Variants in PRKD1 observed in about 807,000 individuals in gnomAD.
PRKD1 encodes serine/threonine-protein kinase D1.
Under a neutral mutation model 95.9 loss-of-function variants are expected in PRKD1, and 63 were observed. The ratio of observed to expected loss-of-function variants is 0.66; its 90% CI spans 0.54 to 0.81. The LOEUF (loss-of-function observed/expected upper bound fraction) is 0.81. PRKD1 is among the 30% of genes least tolerant of loss of function. The pLI is 0.00. For synonymous variants in PRKD1, 425 were observed against 423.1 expected (o/e 1.00, Z -0.05); for missense variants, 1,048 against 1,165.3 (o/e 0.90, Z 1.47).
At chr14:29,687,586 C>T (rs1883957323) in intron 2 of PRKD1, among the ~76,000 whole-genome samples, 1 of 152,224 alleles carries the variant, frequency 6.6e-6, no homozygotes, top group South Asian at 2.1e-4. Context: ...GCCGAACTTA[C>T]TTGGCGTGGA....
At chr14:29,684,083 CAAGAACCAT>C (rs1201510407) in intron 2 of PRKD1, among the ~76,000 whole-genome samples, 7 of 152,050 alleles carry the variant, frequency 4.6e-5, no homozygotes, top group South Asian at 2.1e-4. Context: ...GAGTCTAGTT[CAAGAACCAT>C]CTTTTCCAGG....
intron 1 of PRKD1, among the ~76,000 whole-genome samples, chr14:29,896,906 T>C (rs1894149709): frequency 1.3e-5 from 2 of 151,954 alleles, no homozygotes; most frequent in South Asian, 4.1e-4. Context: ...GAGAGTATTA[T>C]CCAATAATGT....
chr14:29,618,060 C>G (rs979409648), intron 13 of PRKD1, among the ~76,000 whole-genome samples: 6 of 151,942 alleles, frequency 3.9e-5, no homozygotes, highest in Non-Finnish European at 8.8e-5. Context: ...GAGTAAGACC[C>G]CTTCTCCCAA....
At chr14:29,647,039 T>C in intron 4 of PRKD1, among the ~76,000 whole-genome samples, 1 of 151,816 alleles carries the variant, frequency 6.6e-6, no homozygotes, top group East Asian at 1.9e-4. Context: ...TAAAATCTAA[T>C]CAACACCTTT....
intron 1 of PRKD1, among the ~76,000 whole-genome samples, chr14:29,910,477 G>A (rs1253053961): frequency 6.6e-6 from 1 of 152,022 alleles, no homozygotes; most frequent in Non-Finnish European, 1.5e-5. Flanking sequence ...ACCAATTTTG[G>A]ACACAGTTTC....
chr14:29,615,267 G>A (rs774866695), intron 13 of PRKD1, among the ~76,000 whole-genome samples: 11 of 152,186 alleles, frequency 7.2e-5, no homozygotes, highest in South Asian at 2.1e-4. Context: ...TGATATGACA[G>A]CTTTATTGTC....
intron 11 of PRKD1, among the ~76,000 whole-genome samples, 156 bp downstream of exon 11, chr14:29,628,878 ATATAATT>A (rs1438994507): frequency 2.1e-5 from 3 of 140,430 alleles, no homozygotes; most frequent in Admixed American, 1.5e-4. Flanking sequence ...TTACTAATCT[ATATAATT>A]TAATATTTCT....
chr14:29,921,386 A>G (rs1011663104), intron 1 of PRKD1, among the ~76,000 whole-genome samples: 70 of 151,582 alleles, frequency 4.6e-4, no homozygotes, highest in African/African-American at 1.6e-3. Flanking sequence ...ATATATTGAT[A>G]TAAGAATAAG....
At chr14:29,901,576 AAAAAT>A (rs1379041450) in intron 1 of PRKD1, among the ~76,000 whole-genome samples, 1 of 152,210 alleles carries the variant, frequency 6.6e-6, no homozygotes, top group African/African-American at 2.4e-5. Context: ...TATAAAAAAT[AAAAAT>A]AAAAAAGATA....
intron 1 of PRKD1, among the ~76,000 whole-genome samples, chr14:29,920,094 AAAGAG>A (rs1185366882): frequency 1.3e-5 from 2 of 151,678 alleles, no homozygotes; most frequent in Non-Finnish European, 2.9e-5. Flanking sequence ...GGAGAAAAGA[AAAGAG>A]AAAAGGAAGA....
At chr14:29,700,988 G>GCACACACACACACACACACACACA (rs1555337072) in intron 2 of PRKD1, among the ~76,000 whole-genome samples, 75 of 90,590 alleles carry the variant, frequency 8.3e-4, no homozygotes, top group Admixed American at 3.7e-3. Flanking sequence ...GCGCGCGCGC[G>GCACACACACACACACACACACACA]CACACACACA....
At chr14:29,763,540 G>A (rs1566586698) in intron 1 of PRKD1, among the ~76,000 whole-genome samples, 1 of 151,680 alleles carries the variant, frequency 6.6e-6, no homozygotes, top group Non-Finnish European at 1.5e-5. Context: ...AGAAAGAAGA[G>A]AGGCCTTGTG....
intron 1 of PRKD1, among the ~76,000 whole-genome samples, chr14:29,735,968 C>G (rs1262292129): frequency 6.6e-6 from 1 of 152,090 alleles, no homozygotes; most frequent in African/African-American, 2.4e-5. Flanking sequence ...ATCATTTAAA[C>G]ACTATATTTT....
At chr14:29,793,786 A>C (rs1889679499) in intron 1 of PRKD1, among the ~76,000 whole-genome samples, 1 of 152,090 alleles carries the variant, frequency 6.6e-6, no homozygotes, top group Non-Finnish European at 1.5e-5. Context: ...ACAATTTGTT[A>C]ATTAGATTTT....
chr14:29,889,648 C>A (rs546288590), intron 1 of PRKD1, among the ~76,000 whole-genome samples: 2 of 152,280 alleles, frequency 1.3e-5, no homozygotes, highest in East Asian at 1.9e-4. Context: ...GACAGAAAAC[C>A]AAACACTGCA....
intron 2 of PRKD1, among the ~76,000 whole-genome samples, chr14:29,688,948 C>CAAAAAAAAAAAAAAAAAAA (rs377212196): frequency 3.1e-5 from 1 of 32,484 alleles, no homozygotes; most frequent in Non-Finnish European, 6.4e-5. Context: ...GACTCCGTCT[C>CAAAAAAAAAAAAAAAAAAA]AAAAAAAAAA....
intron 1 of PRKD1, among the ~76,000 whole-genome samples, chr14:29,876,505 T>C (rs2139387041): frequency 6.6e-6 from 1 of 152,290 alleles, no homozygotes; most frequent in East Asian, 1.9e-4. Flanking sequence ...ACTGGAAATT[T>C]ACTTTTAATT....
chr14:29,675,272 T>C (rs547542669), intron 2 of PRKD1, among the ~76,000 whole-genome samples: 1 of 152,356 alleles, frequency 6.6e-6, no homozygotes, highest in East Asian at 1.9e-4. Flanking sequence ...TTTATTGAGA[T>C]AATAACTTAT....
intron 1 of PRKD1, among the ~76,000 whole-genome samples, chr14:29,838,579 T>C (rs944484017): frequency 2.0e-5 from 3 of 152,196 alleles, no homozygotes; most frequent in Non-Finnish European, 4.4e-5. Flanking sequence ...GATACCCATA[T>C]TTGCTGCTTA....
Sources: allele counts gnomAD v4.1 joint callset (sites outside exome capture counted in the v4.1 genomes callset), GRCh38; gene constraint gnomAD v4.1.1; transcripts MANE v1.5; gene names NCBI Gene and HGNC (gene_info 2026-07-23, HGNC 2026-07-21).